TAF3: variants seen among roughly 807,000 people sequenced by gnomAD.
TAF3 encodes TATA-box binding protein associated factor 3, also known as transcription initiation factor TFIID subunit 3.
TAF3 carries 7 observed loss-of-function variants against 80.6 expected under a neutral mutation model. The observed-to-expected ratio is 0.09, with a 90% confidence interval of 0.05 to 0.16. The LOEUF is 0.16. TAF3 is among the 10% of genes least tolerant of loss of function. The pLI is 1.00. For synonymous variants in TAF3, 444 were observed against 446.1 expected, an observed-to-expected ratio of 1.00 and a Z score of 0.06; for missense variants, 921 against 1,140.2, an observed-to-expected ratio of 0.81 and a Z score of 2.77.
At chr10:7,861,503 A>G (rs975320810) in intron 2 of TAF3, among the ~76,000 whole-genome samples, 3 of 152,160 alleles carry the variant, frequency 2.0e-5, no homozygotes, top group African/African-American at 7.2e-5. Context: ...AGTCAGGTTC[A>G]TCTTGTATAT....
chr10:7,948,441 C>T (rs1339095098), intron 2 of TAF3, among the ~76,000 whole-genome samples: 1 of 152,150 alleles, frequency 6.6e-6, no homozygotes, highest in Non-Finnish European at 1.5e-5. Flanking sequence ...TGATAACTTT[C>T]TATTATTACT....
intron 2 of TAF3, among the ~76,000 whole-genome samples, chr10:7,881,490 AACACACAC>A (rs3039468): frequency 1.0e-4 from 15 of 148,796 alleles, no homozygotes; most frequent in African/African-American, 3.0e-4. Flanking sequence ...CATACACACA[AACACACAC>A]ACACACACAC....
intron 3 of TAF3, among the ~76,000 whole-genome samples, chr10:7,970,128 C>A (rs1831608379): frequency 6.6e-6 from 1 of 152,150 alleles, no homozygotes; most frequent in Non-Finnish European, 1.5e-5. Context: ...ATACACATAT[C>A]CAATAGTGTT....
rs148424948 is a variant in TAF3 at position 7,994,524 on chromosome 10, T to A, written c.2316-14554T>A. Reference sequence around the variant, plus strand: ...TGTTACGTATTTATTTATTGTTATTTAAAAAATAGAGATGAGGTCTCACTG... The same window carrying A: ...TGTTACGTATTTATTTATTGTTATTAAAAAAATAGAGATGAGGTCTCACTG... On this transcript the variant is annotated intron_variant, in intron 4 of 6. Transcript: ENST00000344293. 2.8e-4 allele frequency among the ~76,000 whole-genome samples: 43 copies of A among 152,254 alleles called. No individual in the cohort carries two copies. The East Asian group carries it at 7.2e-3, about 25-fold the overall frequency.
chr10:7,826,373 G>A (rs576669331), intron 2 of TAF3, among the ~76,000 whole-genome samples: 1 of 152,154 alleles, frequency 6.6e-6, no homozygotes, highest in Non-Finnish European at 1.5e-5. Context: ...TTAAATACTA[G>A]CAAGGAAATG....
At chr10:7,904,679 A>G (rs998225775) in intron 2 of TAF3, among the ~76,000 whole-genome samples, 1 of 152,216 alleles carries the variant, frequency 6.6e-6, no homozygotes, top group Non-Finnish European at 1.5e-5. Context: ...ACACATTGCA[A>G]CTGGCAGGTG....
chr10:7,932,669 ATTTTTTTTT>A (rs34907761), intron 2 of TAF3, among the ~76,000 whole-genome samples: 23 of 78,820 alleles, frequency 2.9e-4, no homozygotes, highest in African/African-American at 1.2e-3. Flanking sequence ...GTTCCACTTA[ATTTTTTTTT>A]TTTTTTTTTT....
intron 2 of TAF3, among the ~76,000 whole-genome samples, chr10:7,938,333 A>T (rs1837942623): frequency 6.6e-6 from 1 of 151,848 alleles, no homozygotes; most frequent in South Asian, 2.1e-4. Flanking sequence ...GTGGAGGTGG[A>T]CTCTTGATGG....
intron 3 of TAF3, among the ~76,000 whole-genome samples, 194 bp downstream of exon 3, chr10:7,965,936 C>G (rs1831566906): frequency 6.6e-6 from 1 of 152,128 alleles, no homozygotes; most frequent in South Asian, 2.1e-4. Context: ...CCTCAACACA[C>G]TAGCAGATGT....
chr10:7,855,571 A>G (rs1837070219), intron 2 of TAF3, among the ~76,000 whole-genome samples: 1 of 152,180 alleles, frequency 6.6e-6, no homozygotes, highest in African/African-American at 2.4e-5. Flanking sequence ...GATGGTAGGC[A>G]TTTCCCAAAT....
intron 4 of TAF3, among the ~76,000 whole-genome samples, chr10:8,003,249 T>A (rs894859837): frequency 6.6e-6 from 1 of 152,144 alleles, no homozygotes; most frequent in African/African-American, 2.4e-5. Flanking sequence ...GTTTTTTTTT[T>A]ATCGTTCCTT....
In TAF3 at chr10:7,818,657, G is replaced by T; in HGVS notation, c.-53G>T. 6.4e-7 allele frequency: 1 copy of T among 1,573,790 alleles called. No individual in the cohort carries two copies. Among genetic ancestry groups the T allele is most frequent in the Middle Eastern group, 1.7e-4 (1 of 5,794 alleles). ...TCGGGGACCCTGCTAAGGTCTGGCG[G>T]CGGGGCTGGAGAGCAGTGGCAGCAA... On this transcript the variant is annotated 5_prime_UTR_variant, in exon 1 of 7. Transcript: ENST00000344293.
intron 2 of TAF3, among the ~76,000 whole-genome samples, chr10:7,884,639 C>T (rs1837391717): frequency 6.6e-6 from 1 of 152,136 alleles, no homozygotes; most frequent in Admixed American, 6.5e-5. Flanking sequence ...CCACCTGCCT[C>T]GGCCTCCAAA....
chr10:7,859,645 G>A (rs182007862), intron 2 of TAF3, among the ~76,000 whole-genome samples: 64 of 152,284 alleles, frequency 4.2e-4, no homozygotes, highest in Non-Finnish European at 5.7e-4. Context: ...AACAGGATAC[G>A]GTTCATCTGC....
intron 4 of TAF3, among the ~76,000 whole-genome samples, chr10:8,007,486 A>C (rs1174186351): frequency 6.7e-6 from 1 of 149,978 alleles, no homozygotes; most frequent in East Asian, 2.0e-4. Context: ...TCTGAAACAA[A>C]TATGGCAAAG....
chr10:7,933,428 C>T (rs1271404072), intron 2 of TAF3, among the ~76,000 whole-genome samples: 31 of 152,228 alleles, frequency 2.0e-4, no homozygotes, highest in Admixed American at 2.0e-3. Context: ...ACGACGAGCT[C>T]TGATGCAACC....
chr10:7,929,476 C>A (rs1273839151), intron 2 of TAF3, among the ~76,000 whole-genome samples: 1 of 152,048 alleles, frequency 6.6e-6, no homozygotes, highest in Non-Finnish European at 1.5e-5. Context: ...TGGCTCACTG[C>A]AGCCTCCATC....
chr10:8,012,332 C>T (rs1229969687), intron 5 of TAF3, among the ~76,000 whole-genome samples: 4 of 152,176 alleles, frequency 2.6e-5, no homozygotes, highest in Non-Finnish European at 5.9e-5. Context: ...GTTGGAAATG[C>T]CACTTAAATT....
intron 3 of TAF3, among the ~76,000 whole-genome samples, chr10:7,976,700 C>T (rs1831676572): frequency 6.6e-6 from 1 of 152,130 alleles, no homozygotes; most frequent in Non-Finnish European, 1.5e-5. Context: ...CCACACCCTG[C>T]TTGTTTTTGT....
Sources: allele counts gnomAD v4.1 joint callset (sites outside exome capture counted in the v4.1 genomes callset), GRCh38; gene constraint gnomAD v4.1.1; transcripts MANE v1.5; gene names NCBI Gene and HGNC (gene_info 2026-07-23, HGNC 2026-07-21).